The following CDH4 variants were observed in gnomAD, a reference collection of about 807,000 sequenced individuals.
The protein encoded by CDH4 is cadherin 4, also known as cadherin-4.
A neutral mutation model predicts 86.0 loss-of-function variants in CDH4; 33 were observed. The ratio of observed to expected loss-of-function variants is 0.38; its 90% CI spans 0.29 to 0.51. The LOEUF is 0.51. Ranked by LOEUF, CDH4 falls within the 20% of genes least tolerant of loss-of-function variation. The pLI, the probability that CDH4 is intolerant of heterozygous loss-of-function variation, is 0.86. For synonymous variants in CDH4, 555 were observed against 549.4 expected, an observed-to-expected ratio of 1.01 and a Z score of -0.14; for missense variants, 1,114 against 1,307.4, an observed-to-expected ratio of 0.85 and a Z score of 2.28.
chr20:61,473,782 CACACTCAGACACTCACAGACGCACACAG>C (rs1419133484), intron 2 of CDH4, among the ~76,000 whole-genome samples: 1 of 152,014 alleles, frequency 6.6e-6, no homozygotes, highest in Non-Finnish European at 1.5e-5. Context: ...AAGACACACA[CACACTCAGACACTCACAGACGCACACAG>C]ACACTCAGAC....
intron 2 of CDH4, among the ~76,000 whole-genome samples, chr20:61,652,938 A>ATTTTTATTTTTTTTTTTTTTTT (rs2087138479): frequency 1.8e-4 from 18 of 97,420 alleles, no homozygotes; most frequent in Non-Finnish European, 2.8e-4. Flanking sequence ...TTATTTATTT[A>ATTTTTATTTTTTTTTTTTTTTT]TTTTTTTTTT....
At chr20:61,585,665 TTGTGA>T (rs2145724993) in intron 2 of CDH4, among the ~76,000 whole-genome samples, 1 of 149,346 alleles carries the variant, frequency 6.7e-6, no homozygotes, top group Non-Finnish European at 1.5e-5. Flanking sequence ...GTGATGGTGA[TTGTGA>T]TGGTGATGGT....
At chr20:61,782,223 C>T (rs370014495) in intron 4 of CDH4, among the ~76,000 whole-genome samples, 1 of 152,138 alleles carries the variant, frequency 6.6e-6, no homozygotes, top group Non-Finnish European at 1.5e-5. Context: ...GTGGGACAAT[C>T]GCTCGAACCT....
chr20:61,435,784 C>G (rs73318339), intron 2 of CDH4: 11,210 of 152,340 alleles, frequency 0.074, 681 homozygotes, highest in African/African-American at 0.16. Flanking sequence ...GTCGACTCCC[C>G]AGTACCCTTC....
chr20:61,549,824 G>T (rs2086114590), intron 2 of CDH4, among the ~76,000 whole-genome samples: 1 of 152,224 alleles, frequency 6.6e-6, no homozygotes, highest in African/African-American at 2.4e-5. Context: ...TCACAAAGAG[G>T]ATGCCAGGAC....
chr20:61,701,197 C>G (rs935376002), intron 2 of CDH4, among the ~76,000 whole-genome samples: 1 of 152,204 alleles, frequency 6.6e-6, no homozygotes, highest in African/African-American at 2.4e-5. Flanking sequence ...CTCCAGTTTT[C>G]TAAGAACAGC....
In CDH4 at chr20:61,540,201, C is replaced by T. The variant is rs564614286; in HGVS notation, c.170-203362C>T. 3.3e-5 allele frequency among the ~76,000 whole-genome samples: 5 copies of T among 152,244 alleles called. No individual in the cohort carries two copies. In the East Asian group the frequency reaches 7.7e-4, roughly 24 times the overall value. On this transcript the variant is annotated intron_variant, in intron 2 of 15. Transcript: ENST00000614565. ...TGGGCGGACGAATGCACGGCAGCGT[C>T]GTCTTGATCCAATTTTAGAAACTGC...
At chr20:61,589,060 G>A (rs574711297) in intron 2 of CDH4, among the ~76,000 whole-genome samples, 28 of 152,342 alleles carry the variant, frequency 1.8e-4, no homozygotes, top group South Asian at 4.1e-4. Context: ...AGGCTGGAGC[G>A]TGATTTCAGG....
rs926910663 is a variant in CDH4, at chr20:61,519,854, C to A, written c.170-223709C>A. On this transcript the variant is annotated intron_variant, in intron 2 of 15. Coordinates refer to ENST00000614565, the MANE Select transcript of CDH4 (RefSeq NM_001794.5). ...TCTTAACCTCCACTTCCTCAGGGCC[C>A]TGACCGCTGTCTAGAAGGGCCTCGT... Among the ~76,000 whole-genome samples the A allele has an allele frequency of 2.6e-5, 4 of 152,356 alleles. 1 individual carries two copies. The highest frequency in any genetic ancestry group is 2.6e-4 in the Admixed American group (4 of 15,312).
chr20:61,375,616 A>G (rs201862887), intron 2 of CDH4, among the ~76,000 whole-genome samples: 1 of 87,914 alleles, frequency 1.1e-5, no homozygotes, highest in Admixed American at 1.1e-4. Flanking sequence ...ACTGGTGGTG[A>G]TGGTATGGTT....
At chr20:61,685,704 C>T (rs977280160) in intron 2 of CDH4, among the ~76,000 whole-genome samples, 14 of 152,368 alleles carry the variant, frequency 9.2e-5, no homozygotes, top group Admixed American at 2.6e-4. Flanking sequence ...GACCCCTTCC[C>T]GCTGTCCGGA....
chr20:61,865,278 T>G (rs1035033974), intron 6 of CDH4, among the ~76,000 whole-genome samples: 1 of 152,156 alleles, frequency 6.6e-6, no homozygotes, highest in East Asian at 1.9e-4. Context: ...ATGGTTAGTG[T>G]AGATGATGGA....
chr20:61,374,550 G>GACGGTAGT (rs1490173092), intron 2 of CDH4, among the ~76,000 whole-genome samples: 1 of 152,224 alleles, frequency 6.6e-6, no homozygotes, highest in Non-Finnish European at 1.5e-5. Flanking sequence ...GAGATGGGAT[G>GACGGTAGT]ACGGTAGTAC....
At chr20:61,337,767 T>G (rs2123277276) in intron 2 of CDH4, among the ~76,000 whole-genome samples, 1 of 152,214 alleles carries the variant, frequency 6.6e-6, no homozygotes, top group Non-Finnish European at 1.5e-5. Context: ...TGAGCTGTGG[T>G]TTCTCCTTTA....
chr20:61,551,112 A>T (rs932890567), intron 2 of CDH4, among the ~76,000 whole-genome samples: 7 of 152,244 alleles, frequency 4.6e-5, no homozygotes, highest in African/African-American at 1.7e-4. Flanking sequence ...GGATCGATAA[A>T]GGTGTAATGA....
intron 2 of CDH4, among the ~76,000 whole-genome samples, chr20:61,693,715 A>C (rs979198554): frequency 1.8e-4 from 27 of 152,188 alleles, no homozygotes; most frequent in African/African-American, 6.5e-4. Flanking sequence ...GGGCATCCCC[A>C]GCACCTAGAG....
intron 6 of CDH4, among the ~76,000 whole-genome samples, chr20:61,867,117 C>G (rs1983585878): frequency 6.6e-6 from 1 of 152,238 alleles, no homozygotes; most frequent in South Asian, 2.1e-4. Context: ...ACAGCTGTTT[C>G]CAGAACACTC....
chr20:61,793,101 T>C (rs1426793509), intron 4 of CDH4, among the ~76,000 whole-genome samples: 1 of 152,144 alleles, frequency 6.6e-6, no homozygotes, highest in Non-Finnish European at 1.5e-5. Flanking sequence ...TAACTGGGAT[T>C]ACAAGCGCCT....
intron 2 of CDH4, among the ~76,000 whole-genome samples, chr20:61,453,402 C>T (rs1054988315): frequency 6.6e-6 from 1 of 152,160 alleles, no homozygotes; most frequent in East Asian, 1.9e-4. Flanking sequence ...TGTGGAATCC[C>T]AGCCGGCTGT....
Sources: allele counts gnomAD v4.1 joint callset (sites outside exome capture counted in the v4.1 genomes callset), GRCh38; gene constraint gnomAD v4.1.1; transcripts MANE v1.5; gene names NCBI Gene and HGNC (gene_info 2026-07-23, HGNC 2026-07-21).